Variants in HDAC9 observed in about 807,000 individuals in gnomAD.
HDAC9 encodes the protein histone deacetylase 9, also known as MEF-2 interacting transcription repressor (MITR) protein.
Under a neutral mutation model 139.4 loss-of-function variants are expected in HDAC9, and 41 were observed. The observed-to-expected ratio is 0.29, with a 90% CI of 0.23 to 0.38. The LOEUF (loss-of-function observed/expected upper bound fraction) is 0.38, where lower values mean the gene tolerates loss of function less well. HDAC9 is among the 10% of genes least tolerant of loss of function. The pLI is 1.00. For missense variants in HDAC9, 1,147 were observed against 1,297.0 expected, an observed-to-expected ratio of 0.88 and a Z score of 1.78; for synonymous variants, 517 against 476.2, an observed-to-expected ratio of 1.09 and a Z score of -1.12.
intron 6 of HDAC9, among the ~76,000 whole-genome samples, chr7:18,625,627 A>G (rs1454434460): frequency 6.6e-6 from 1 of 152,064 alleles, no homozygotes; most frequent in Non-Finnish European, 1.5e-5. Context: ...TCACTATTTC[A>G]TTTGATCCTA....
intron 22 of HDAC9, among the ~76,000 whole-genome samples, chr7:18,928,924 C>G (rs10229723): frequency 2.0e-5 from 3 of 151,602 alleles, no homozygotes; most frequent in Non-Finnish European, 4.4e-5. Context: ...TTTCTATCAT[C>G]TTCCAAATTT....
chr7:18,882,263 CTG>C, intron 22 of HDAC9, among the ~76,000 whole-genome samples: 1 of 151,972 alleles, frequency 6.6e-6, no homozygotes, highest in African/African-American at 2.4e-5. Context: ...TCACATATTC[CTG>C]TGTTCTATAA....
At chr7:18,990,436 C>T (rs1379790023) in intron 25 of HDAC9, among the ~76,000 whole-genome samples, 1 of 152,214 alleles carries the variant, frequency 6.6e-6, no homozygotes, top group Admixed American at 6.5e-5. Context: ...CTGGGAGAGC[C>T]ACTGCTCTCT....
Position 18,300,322 on chromosome 7 carries a change from C to T in HDAC9, c.-42+9807C>T, listed in dbSNP as rs62449146. Among the ~76,000 whole-genome samples, 867 of 152,162 alleles carry T rather than the reference C, an allele frequency of 5.7e-3. 5 individuals are homozygous for T. Among genetic ancestry groups the T allele is most frequent in the Admixed American group, 0.011 (169 of 15,288 alleles). On this transcript the variant is annotated intron_variant, in intron 1 of 3. Coordinates refer to the HDAC9 transcript ENST00000413509. ...GACGCTCCTGCTCTAGATATACTGA[C>T]TTTTCCAAGGAATGACAGGGGTTAA...
chr7:18,256,643 G>A (rs1293117207), intron 2 of HDAC9, among the ~76,000 whole-genome samples: 1 of 152,162 alleles, frequency 6.6e-6, no homozygotes, highest in Non-Finnish European at 1.5e-5. Context: ...AAAAATTTTA[G>A]TTGCTTTATA....
intron 16 of HDAC9, among the ~76,000 whole-genome samples, chr7:18,776,377 C>T (rs1399284620): frequency 6.6e-6 from 1 of 152,102 alleles, no homozygotes; most frequent in African/African-American, 2.4e-5. Context: ...ACTTACTATA[C>T]TCACAATTTC....
chr7:18,708,915 C>T (rs1211528387), intron 12 of HDAC9, among the ~76,000 whole-genome samples: 4 of 152,044 alleles, frequency 2.6e-5, no homozygotes, highest in Non-Finnish European at 5.9e-5. Flanking sequence ...TCTCTCCACA[C>T]ACACCCACAC....
intron 1 of HDAC9, among the ~76,000 whole-genome samples, chr7:18,141,551 G>T (rs1366847563): frequency 6.6e-6 from 1 of 152,218 alleles, no homozygotes. Flanking sequence ...TGATGCCAGG[G>T]TACTTGTATA....
At chr7:18,362,868 T>C (rs1415364764) in intron 1 of HDAC9, among the ~76,000 whole-genome samples, 1 of 152,192 alleles carries the variant, frequency 6.6e-6, no homozygotes, top group African/African-American at 2.4e-5. Flanking sequence ...AAATATGCAC[T>C]GTTATATCTA....
intron 2 of HDAC9, among the ~76,000 whole-genome samples, chr7:18,185,641 T>C (rs1789850277): frequency 6.6e-6 from 1 of 152,208 alleles, no homozygotes; most frequent in African/African-American, 2.4e-5. Context: ...CTCTTTGTAT[T>C]TAAACTCACT....
chr7:18,298,728 T>C (rs1284290337), intron 1 of HDAC9, among the ~76,000 whole-genome samples: 1 of 152,200 alleles, frequency 6.6e-6, no homozygotes, highest in Non-Finnish European at 1.5e-5. Flanking sequence ...TATGTGACAG[T>C]GTTGCTACAT....
intron 12 of HDAC9, among the ~76,000 whole-genome samples, chr7:18,681,453 C>A (rs182256468): frequency 2.6e-4 from 40 of 151,920 alleles, no homozygotes; most frequent in Non-Finnish European, 4.0e-4. Context: ...TATTATATTT[C>A]TTTAGTTTCA....
chr7:18,872,832 G>A (rs1299885410), intron 21 of HDAC9, among the ~76,000 whole-genome samples: 2 of 152,016 alleles, frequency 1.3e-5, no homozygotes, highest in Non-Finnish European at 2.9e-5. Context: ...AATGAGGGAA[G>A]GATGACCTTC....
chr7:18,803,361 C>A (rs998138778), intron 17 of HDAC9, among the ~76,000 whole-genome samples: 6 of 152,104 alleles, frequency 3.9e-5, no homozygotes, highest in Non-Finnish European at 8.8e-5. Context: ...TTTTAACCAT[C>A]AGTGTTTCTC....
intron 17 of HDAC9, among the ~76,000 whole-genome samples, chr7:18,797,753 C>T (rs1792930376): frequency 6.6e-6 from 1 of 151,938 alleles, no homozygotes; most frequent in Admixed American, 6.6e-5. Context: ...CGCTTGAACC[C>T]AGGAGGCAGG....
chr7:18,593,810 T>G, intron 5 of HDAC9, 98 bp from the exon 6 acceptor site: 2 of 1,286,902 alleles, frequency 1.6e-6, no homozygotes. Flanking sequence ...AGCATAAACA[T>G]AGCTGAGGCA....
intron 23 of HDAC9, among the ~76,000 whole-genome samples, chr7:18,947,263 A>G (rs917197009): frequency 3.3e-5 from 5 of 152,028 alleles, no homozygotes; most frequent in Non-Finnish European, 7.4e-5. Flanking sequence ...AGATATAAAT[A>G]AAATGATAAA....
At chr7:18,609,667 C>T (rs923050501) in intron 6 of HDAC9, among the ~76,000 whole-genome samples, 1 of 152,040 alleles carries the variant, frequency 6.6e-6, no homozygotes, top group Non-Finnish European at 1.5e-5. Flanking sequence ...TTGTAGGGTA[C>T]ATGTGCACAA....
At chr7:18,323,182 G>A (rs546354650) in intron 1 of HDAC9, among the ~76,000 whole-genome samples, 7 of 152,236 alleles carry the variant, frequency 4.6e-5, no homozygotes, top group African/African-American at 1.2e-4. Flanking sequence ...CTTTGAACCC[G>A]TTCAGTCTCC....
Sources: allele counts gnomAD v4.1 joint callset (sites outside exome capture counted in the v4.1 genomes callset), GRCh38; gene constraint gnomAD v4.1.1; transcripts MANE v1.5; gene names NCBI Gene and HGNC (gene_info 2026-07-23, HGNC 2026-07-21).